The following PCDHGA2 variants were observed in gnomAD, a reference collection of about 807,000 sequenced individuals.
PCDHGA2 encodes protocadherin gamma subfamily A, 2, also known as protocadherin gamma-A2.
Under a neutral mutation model 59.2 loss-of-function variants are expected in PCDHGA2, and 40 were observed. That is an observed-to-expected ratio of 0.68 (90% CI 0.52 to 0.88). The LOEUF (loss-of-function observed/expected upper bound fraction) is 0.88, where lower values mean the gene tolerates loss of function less well. PCDHGA2 is among the 40% of genes least tolerant of loss of function. The pLI is 0.00. For synonymous variants in PCDHGA2, 560 were observed against 526.0 expected, an observed-to-expected ratio of 1.06 and a Z score of -0.89; for missense variants, 1,226 against 1,204.0, an observed-to-expected ratio of 1.02 and a Z score of -0.27.
intron 1 of PCDHGA2, among the ~76,000 whole-genome samples, chr5:141,349,171 G>A (rs1007619179): frequency 6.6e-6 from 1 of 152,186 alleles, no homozygotes; most frequent in Non-Finnish European, 1.5e-5. Flanking sequence ...CCTGAGTTAA[G>A]TGATTCTGCT....
intron 1 of PCDHGA2, among the ~76,000 whole-genome samples, chr5:141,425,427 A>G (rs925551543): frequency 2.2e-4 from 33 of 152,362 alleles, no homozygotes; most frequent in Non-Finnish European, 4.1e-4. Flanking sequence ...GTCCCATTAA[A>G]TAGAGGATAA....
chr5:141,427,683 G>T, intron 1 of PCDHGA2: 1 of 836,052 alleles, frequency 1.2e-6, no homozygotes, highest in African/African-American at 1.7e-5. Context: ...CCTTCCCGGA[G>T]CCTCCATCCC....
intron 1 of PCDHGA2, chr5:141,404,457 C>A: frequency 1.2e-6 from 2 of 1,612,824 alleles, no homozygotes; most frequent in Non-Finnish European, 1.7e-6. Flanking sequence ...TCTCCTCTCT[C>A]CACCTATGTC....
Position 141,487,503 on chromosome 5 carries a change from C to T in PCDHGA2, c.2425-7304C>T. On this transcript the variant is annotated intron_variant, in intron 1 of 3. Transcript: ENST00000394576. The surrounding 1 kb of genome is among the most constrained non-coding windows in gnomAD (Gnocchi z 5.0). The stretch of plus-strand genomic sequence containing the variant: ...TCTCATGGCTGTACACCCTTGGCTT[C>T]TGCACCCACTCGGAGTGATAGCTTC... 1 of 1,614,220 alleles carries T rather than the reference C, an allele frequency of 6.2e-7. No homozygotes were observed. Among genetic ancestry groups the T allele is most frequent in the Non-Finnish European group, 8.5e-7 (1 of 1,180,042 alleles).
intron 1 of PCDHGA2, chr5:141,375,207 ACT>A: frequency 3.7e-6 from 6 of 1,613,896 alleles, no homozygotes; most frequent in Non-Finnish European, 5.1e-6. Flanking sequence ...TTCGATCGAG[ACT>A]CTGGCCTGAA....
intron 1 of PCDHGA2, chr5:141,384,198 C>T (rs539882096): frequency 6.2e-7 from 1 of 1,613,734 alleles, no homozygotes; most frequent in Non-Finnish European, 8.5e-7. Context: ...CTCCCTTGTC[C>T]AGGGAAACTC....
At chr5:141,505,552 T>C (rs920594597) in intron 3 of PCDHGA2, 71 bp downstream of exon 3, 8 of 1,608,230 alleles carry the variant, frequency 5.0e-6, no homozygotes, top group Non-Finnish European at 6.8e-6. Context: ...ACAGCCACCA[T>C]GCCCACGGAC....
chr5:141,346,249 A>G (rs1338921250), intron 1 of PCDHGA2: 2 of 1,614,170 alleles, frequency 1.2e-6, no homozygotes, highest in Admixed American at 3.3e-5. Flanking sequence ...CCCGGCTCGC[A>G]CTTTGTGGGC....
chr5:141,384,126 C>A lies in PCDHGA2; in HGVS notation c.2424+42731C>A, dbSNP rs749225079. On this transcript the variant is annotated intron_variant, in intron 1 of 3. Transcript: ENST00000394576. ...ATTATAGATTGGTCACAACCAAAAA[C>A]TTGGACCGGGAAACACTCTCTTTGT... 4 of 1,610,820 alleles carry A rather than the reference C, an allele frequency of 2.5e-6. No individual in the cohort carries two copies. The Admixed American group carries it at 6.7e-5, about 27-fold the overall frequency.
chr5:141,339,275 TG>T lies in PCDHGA2; in HGVS notation c.305del (p.Cys102PhefsTer3), dbSNP rs1277060717. 6.2e-7 allele frequency: 1 copy of T among 1,614,256 alleles called. No homozygotes were observed. The highest frequency in any genetic ancestry group is 2.2e-5 in the East Asian group (1 of 44,876). ...GGAGCTCTGCGCTCAGAGCGCACCC[TG>T]TCTGTTGAATTTTAACATTCTGCTG... ...REELCAQSAP[C>X]LLNFNILLED... On this transcript the variant is annotated frameshift_variant, in exon 1 of 4. Coordinates refer to ENST00000394576, the MANE Select transcript of PCDHGA2 (RefSeq NM_018915.4). LOFTEE classifies it high-confidence loss of function.
chr5:141,497,414 C>A (rs1021294577), intron 2 of PCDHGA2, among the ~76,000 whole-genome samples: 34 of 152,066 alleles, frequency 2.2e-4, no homozygotes, highest in Admixed American at 2.0e-3. Flanking sequence ...CCCATTCCAT[C>A]AAATGAGAGG....
chr5:141,351,305 T>G, intron 1 of PCDHGA2: 1 of 1,613,884 alleles, frequency 6.2e-7, no homozygotes, highest in Non-Finnish European at 8.5e-7. Flanking sequence ...CATGTCCTTC[T>G]CTAACCAGAT....
rs527250082 is a variant in PCDHGA2 at position 141,371,292 on chromosome 5, G to A, written c.2424+29897G>A. 2.0e-5 allele frequency: 33 copies of A among 1,613,858 alleles called. No individual in the cohort carries two copies. The highest frequency in any genetic ancestry group is 1.6e-4 in the Middle Eastern group (1 of 6,084). On this transcript the variant is annotated intron_variant, in intron 1 of 3. Transcript: ENST00000394576. ...GTTCAAGCTGGACAGTAAAACGGGG[G>A]AACTCACCACTATTGGAGAACTGGA...
At chr5:141,423,187 C>G in intron 1 of PCDHGA2, 5 of 1,613,640 alleles carry the variant, frequency 3.1e-6, no homozygotes, top group Middle Eastern at 1.6e-4. Context: ...CGGCCAGCCC[C>G]CTCTCTCGGC....
chr5:141,346,394 A>G, intron 1 of PCDHGA2: 2 of 1,614,244 alleles, frequency 1.2e-6, no homozygotes, highest in Non-Finnish European at 8.5e-7. Flanking sequence ...GCTGTGAGAA[A>G]AGCGAGCCTC....
rs750139205 is a variant in PCDHGA2 at position 141,489,738 on chromosome 5, T to C, written c.2425-5069T>C. Reference sequence around the variant, plus strand: ...AGGATCCGGATGTGGGCACCAATACTGTGAGCTTTTACACTCTAAGCCCCA... The same window carrying C: ...AGGATCCGGATGTGGGCACCAATACCGTGAGCTTTTACACTCTAAGCCCCA... On this transcript the variant is annotated intron_variant, in intron 1 of 3. Coordinates refer to ENST00000394576, the MANE Select transcript of PCDHGA2 (RefSeq NM_018915.4). This position sits in a 1 kb window ranked among gnomAD's most constrained non-coding sequence, Gnocchi z 4.5. 1 of 1,614,168 alleles carries C rather than the reference T, an allele frequency of 6.2e-7. No individual in the cohort carries two copies. Among genetic ancestry groups the C allele is most frequent in the Non-Finnish European group, 8.5e-7 (1 of 1,180,030 alleles).
chr5:141,364,710 A>G (rs778155346), intron 1 of PCDHGA2: 12 of 1,613,886 alleles, frequency 7.4e-6, no homozygotes, highest in Non-Finnish European at 8.5e-7. Context: ...ATCGATATTA[A>G]TGATAACTTC....
At chr5:141,397,381 T>G (rs966351267) in intron 1 of PCDHGA2, among the ~76,000 whole-genome samples, 1 of 152,228 alleles carries the variant, frequency 6.6e-6, no homozygotes, top group Non-Finnish European at 1.5e-5. Flanking sequence ...GGGATTGGTA[T>G]AAAATTGCCA....
At chr5:141,389,093 G>A in intron 1 of PCDHGA2, 1 of 1,614,018 alleles carries the variant, frequency 6.2e-7, no homozygotes, top group Non-Finnish European at 8.5e-7. Flanking sequence ...ATAAATTAGT[G>A]ACAGATGCTG....
Sources: gnomAD v4.1 joint callset for allele counts (sites outside exome capture counted in the v4.1 genomes callset) on GRCh38, gnomAD v4.1.1 for gene constraint, Gnocchi (gnomAD v3.1) non-coding constraint, MANE v1.5 for transcripts, NCBI Gene and HGNC (gene_info 2026-07-23, HGNC 2026-07-21) for gene names.